CNTNAP4: variants seen among roughly 807,000 people sequenced by gnomAD.
CNTNAP4 encodes contactin associated protein family member 4, also known as contactin-associated protein-like 4.
CNTNAP4 carries 98 observed loss-of-function variants against 148.4 expected under a neutral mutation model. The ratio of observed to expected loss-of-function variants is 0.66; its 90% CI spans 0.56 to 0.78. The LOEUF (loss-of-function observed/expected upper bound fraction) is 0.78, where lower values mean the gene tolerates loss of function less well. Ranked by LOEUF, CNTNAP4 falls within the 30% of genes least tolerant of loss-of-function variation. The pLI, the probability that CNTNAP4 is intolerant of heterozygous loss-of-function variation, is 0.00. For missense variants in CNTNAP4, 1,935 were observed against 1,565.6 expected (o/e 1.24, Z -3.98); for synonymous variants, 730 against 565.1 (o/e 1.29, Z -4.14).
At chr16:76,414,180 T>G (rs2078899476) in intron 3 of CNTNAP4, among the ~76,000 whole-genome samples, 1 of 151,386 alleles carries the variant, frequency 6.6e-6, no homozygotes, top group Non-Finnish European at 1.5e-5. Context: ...ATACTTGCTG[T>G]ATGATTTTTA....
chr16:76,333,580 C>G (rs1029125731), intron 2 of CNTNAP4, among the ~76,000 whole-genome samples: 3 of 152,080 alleles, frequency 2.0e-5, no homozygotes, highest in Non-Finnish European at 2.9e-5. Flanking sequence ...TTTAGTTGAT[C>G]CAATATCATT....
At position 76,494,897 on chromosome 16, in the gene CNTNAP4, G is replaced by A. The variant is rs372087181; in HGVS notation, c.2081-13G>A. 358 of 1,609,362 alleles carry A rather than the reference G, an allele frequency of 2.2e-4. No individual in the cohort carries two copies. The highest frequency in any genetic ancestry group is 2.9e-4 in the Non-Finnish European group (342 of 1,177,396). On this transcript the variant is annotated splice_polypyrimidine_tract_variant and intron_variant, in intron 13 of 23. Transcript: ENST00000611870. ...ATAAAACAGATGTCACATTTTTCAC[G>A]TTTTTCTTTCAGATGGAACCCCTCT...
chr16:76,540,494 A>G (rs1356174275), intron 20 of CNTNAP4, among the ~76,000 whole-genome samples: 3 of 151,572 alleles, frequency 2.0e-5, no homozygotes, highest in East Asian at 3.9e-4. Flanking sequence ...AATAATACTA[A>G]TATTGTATTA....
intron 3 of CNTNAP4, among the ~76,000 whole-genome samples, chr16:76,405,747 G>A (rs1414474887): frequency 8.5e-5 from 13 of 152,100 alleles, no homozygotes; most frequent in Non-Finnish European, 1.3e-4. Context: ...GACCCTCAGA[G>A]TTCAAAACCA....
intron 3 of CNTNAP4, among the ~76,000 whole-genome samples, chr16:76,381,018 A>G (rs1025901919): frequency 1.3e-5 from 2 of 152,106 alleles, no homozygotes; most frequent in Non-Finnish European, 2.9e-5. Flanking sequence ...CACTTTCCCA[A>G]GTTTTTTCTC....
At chr16:76,478,526 A>C (rs780585900) in intron 11 of CNTNAP4, among the ~76,000 whole-genome samples, 1 of 152,218 alleles carries the variant, frequency 6.6e-6, no homozygotes, top group Non-Finnish European at 1.5e-5. Flanking sequence ...CATTAACATA[A>C]TTTTCAAAAG....
intron 3 of CNTNAP4, among the ~76,000 whole-genome samples, chr16:76,392,753 A>G (rs763387096): frequency 6.6e-6 from 1 of 152,146 alleles, no homozygotes; most frequent in Non-Finnish European, 1.5e-5. Flanking sequence ...ACAAAGGGAC[A>G]TGGAATTTGG....
chr16:76,370,844 G>A (rs573428079), intron 3 of CNTNAP4, among the ~76,000 whole-genome samples: 1 of 152,172 alleles, frequency 6.6e-6, no homozygotes, highest in African/African-American at 2.4e-5. Flanking sequence ...TCAATATTTT[G>A]ATACTGAGGA....
intron 3 of CNTNAP4, among the ~76,000 whole-genome samples, 182 bp downstream of exon 3, chr16:76,355,693 G>C (rs1029531519): frequency 6.6e-6 from 1 of 151,836 alleles, no homozygotes; most frequent in African/African-American, 2.4e-5. Context: ...AAATTTATGA[G>C]AATACTAAGG....
At chr16:76,316,037 G>A in intron 1 of CNTNAP4, 1 of 310,852 alleles carries the variant, frequency 3.2e-6, no homozygotes, top group Middle Eastern at 9.1e-4. Context: ...GGTTTTGCAA[G>A]TACTTTCTCC....
At chr16:76,463,960 T>G (rs1445044208) in intron 9 of CNTNAP4, among the ~76,000 whole-genome samples, 1 of 152,098 alleles carries the variant, frequency 6.6e-6, no homozygotes, top group Non-Finnish European at 1.5e-5. Flanking sequence ...ATTCAATCAT[T>G]TTTTCAATTG....
chr16:76,516,864 G>T (rs2083271856), intron 15 of CNTNAP4, among the ~76,000 whole-genome samples: 1 of 152,136 alleles, frequency 6.6e-6, no homozygotes, highest in Non-Finnish European at 1.5e-5. Flanking sequence ...AGGAGTTCGA[G>T]ACCAGCCTGG....
chr16:76,454,273 C>G (rs1432246777), intron 8 of CNTNAP4, among the ~76,000 whole-genome samples: 1 of 152,128 alleles, frequency 6.6e-6, no homozygotes, highest in Non-Finnish European at 1.5e-5. Context: ...TGCCACCACA[C>G]CCAGCTAATT....
chr16:76,300,106 G>C (rs950981366), intron 1 of CNTNAP4, among the ~76,000 whole-genome samples: 1 of 152,098 alleles, frequency 6.6e-6, no homozygotes, highest in African/African-American at 2.4e-5. Flanking sequence ...TAACAAACCT[G>C]CACGTTGTGC....
chr16:76,540,675 G>A (rs761705608), intron 20 of CNTNAP4, 28 bp from the exon 21 acceptor site: 3 of 1,488,070 alleles, frequency 2.0e-6, no homozygotes, highest in East Asian at 4.9e-5. Context: ...CCATTTGGAT[G>A]TTTTTATCTT....
At chr16:76,524,300 C>T (rs932386965) in intron 17 of CNTNAP4, among the ~76,000 whole-genome samples, 6 of 152,000 alleles carry the variant, frequency 3.9e-5, no homozygotes, top group East Asian at 3.9e-4. Context: ...TTTAATAACA[C>T]GCTAGAAGCT....
At chr16:76,548,981 C>T (rs1477829660) in intron 21 of CNTNAP4, among the ~76,000 whole-genome samples, 3 of 152,244 alleles carry the variant, frequency 2.0e-5, no homozygotes, top group East Asian at 1.9e-4. Flanking sequence ...AGGACGGCGG[C>T]TGAGTTGCTT....
intron 2 of CNTNAP4, among the ~76,000 whole-genome samples, chr16:76,322,397 C>G (rs949204030): frequency 6.6e-6 from 1 of 152,202 alleles, no homozygotes; most frequent in Non-Finnish European, 1.5e-5. Flanking sequence ...TGAACTTCAG[C>G]TCTTCCACTC....
intron 13 of CNTNAP4, among the ~76,000 whole-genome samples, chr16:76,491,760 T>C (rs1308987606): frequency 6.6e-6 from 1 of 152,202 alleles, no homozygotes; most frequent in Non-Finnish European, 1.5e-5. Flanking sequence ...CTTTCAGTGT[T>C]CGGCTTATTC....
Sources: gnomAD v4.1 joint callset for allele counts (sites outside exome capture counted in the v4.1 genomes callset) on GRCh38, gnomAD v4.1.1 for gene constraint, MANE v1.5 for transcripts, NCBI Gene and HGNC (gene_info 2026-07-23, HGNC 2026-07-21) for gene names.